RMST: variants seen among roughly 807,000 people sequenced by gnomAD.
RMST encodes the protein long intergenic non-protein coding RNA 54.
chr12:97,493,521 C>T (rs1049107562), intron 7 of RMST, among the ~76,000 whole-genome samples: 58 of 152,022 alleles, frequency 3.8e-4, no homozygotes, highest in African/African-American at 1.3e-3. Context: ...AAAAATAAAC[C>T]ACCAAAAATG....
chr12:97,549,682 G>A (rs139398867), intron 11 of RMST, among the ~76,000 whole-genome samples: 3 of 152,266 alleles, frequency 2.0e-5, no homozygotes, highest in Non-Finnish European at 2.9e-5. Context: ...GAGGCAGCAC[G>A]GTTGTCAAGA....
At chr12:97,480,722 A>G (rs1875178057) in intron 5 of RMST, among the ~76,000 whole-genome samples, 1 of 152,206 alleles carries the variant, frequency 6.6e-6, no homozygotes, top group Admixed American at 6.5e-5. Flanking sequence ...TTCCAGCTAC[A>G]TGCAACAGCT....
chr12:97,474,467 T>C (rs1271264621), intron 5 of RMST, among the ~76,000 whole-genome samples: 1 of 152,092 alleles, frequency 6.6e-6, no homozygotes, highest in Non-Finnish European at 1.5e-5. Context: ...AAAGATGTGG[T>C]TGAGAAATTC....
At chr12:97,556,267 T>C (rs1883698763) in intron 11 of RMST, among the ~76,000 whole-genome samples, 1 of 152,140 alleles carries the variant, frequency 6.6e-6, no homozygotes, top group African/African-American at 2.4e-5. Context: ...GCGGCAAAAA[T>C]ACGTGAATTT....
chr12:97,488,272 G>C (rs183090480), intron 5 of RMST, among the ~76,000 whole-genome samples: 14 of 152,288 alleles, frequency 9.2e-5, no homozygotes, highest in African/African-American at 3.4e-4. Flanking sequence ...CAGCTACTCA[G>C]AAGGCTGAGG....
intron 11 of RMST, among the ~76,000 whole-genome samples, chr12:97,535,592 A>G (rs1882007318): frequency 6.6e-6 from 1 of 151,656 alleles, no homozygotes; most frequent in South Asian, 2.1e-4. Flanking sequence ...ATAGCTAGTC[A>G]GTGGCACAGC....
intron 5 of RMST, among the ~76,000 whole-genome samples, chr12:97,475,044 A>G (rs1354020597): frequency 6.6e-6 from 1 of 152,202 alleles, no homozygotes; most frequent in Non-Finnish European, 1.5e-5. Flanking sequence ...ACAACTTCTT[A>G]GCTTTCATCT....
At chr12:97,472,455 A>C (rs2287081) in intron 5 of RMST, among the ~76,000 whole-genome samples, 34,330 of 151,986 alleles carry the variant, frequency 0.23, 4,229 homozygotes, top group East Asian at 0.48. Flanking sequence ...TGATGTTTTT[A>C]AAGTGCTAGG....
intron 5 of RMST, among the ~76,000 whole-genome samples, chr12:97,481,446 C>T (rs1875265272): frequency 6.6e-6 from 1 of 152,138 alleles, no homozygotes; most frequent in Admixed American, 6.5e-5. Flanking sequence ...CAGTCACATA[C>T]TAAGAACACG....
chr12:97,474,264 T>C (rs1254617498), intron 5 of RMST, among the ~76,000 whole-genome samples: 1 of 152,080 alleles, frequency 6.6e-6, no homozygotes, highest in Non-Finnish European at 1.5e-5. Flanking sequence ...CTCAGTGTCT[T>C]TGGGAAGCAA....
intron 11 of RMST, among the ~76,000 whole-genome samples, chr12:97,536,858 C>T (rs1183469587): frequency 1.3e-5 from 2 of 151,354 alleles, no homozygotes; most frequent in Non-Finnish European, 1.5e-5. Context: ...ATAAATCTCC[C>T]CTTAGCCAGA....
chr12:97,495,265 C>T (rs951685353), intron 9 of RMST, among the ~76,000 whole-genome samples: 2 of 151,778 alleles, frequency 1.3e-5, no homozygotes, highest in Non-Finnish European at 2.9e-5. Context: ...TGTGCACAAA[C>T]CAAAGACAAT....
Position 97,538,954 on chromosome 12 carries a change from G to A in RMST, n.1545+8095G>A, listed in dbSNP as rs190808130. Among the ~76,000 whole-genome samples, 13 of 151,488 alleles carry A rather than the reference G, an allele frequency of 8.6e-5. No individual in the cohort carries two copies. The East Asian group carries it at 1.6e-3, about 18-fold the overall frequency. Reference sequence around the variant, plus strand: ...TACTGTTAACTGGCCCAGGAAAACCGGAGGGGCTGGGAATGGCTTAAATCA... The same window carrying A: ...TACTGTTAACTGGCCCAGGAAAACCAGAGGGGCTGGGAATGGCTTAAATCA... On this transcript the variant is annotated intron_variant and non_coding_transcript_variant, in intron 11 of 13. Transcript: ENST00000640149.
intron 10 of RMST, among the ~76,000 whole-genome samples, chr12:97,505,399 T>A (rs1373607153): frequency 6.6e-6 from 1 of 152,208 alleles, no homozygotes; most frequent in Non-Finnish European, 1.5e-5. Context: ...TATGTTTAGA[T>A]CTCTTGCATG....
chr12:97,491,868 T>G (rs769863038), intron 5 of RMST: 1 of 515,068 alleles, frequency 1.9e-6, no homozygotes, highest in African/African-American at 1.9e-5. Flanking sequence ...ACTGTGTAAT[T>G]AGGTGAAGAA....
intron 5 of RMST, among the ~76,000 whole-genome samples, chr12:97,473,316 C>T (rs965865250): frequency 5.3e-5 from 8 of 152,118 alleles, no homozygotes; most frequent in Admixed American, 2.6e-4. Context: ...GTGATTAATT[C>T]AACTGTCTAA....
chr12:97,470,634 A>G (rs1480931663), intron 5 of RMST, among the ~76,000 whole-genome samples: 1 of 152,076 alleles, frequency 6.6e-6, no homozygotes, highest in Non-Finnish European at 1.5e-5. Flanking sequence ...ACTTTTATCT[A>G]TATTAATACA....
chr12:97,468,709 C>T (rs955459482), intron 5 of RMST, among the ~76,000 whole-genome samples: 13 of 151,710 alleles, frequency 8.6e-5, no homozygotes, highest in African/African-American at 1.2e-4. Flanking sequence ...TATAGTTTAC[C>T]GTAGAGATCC....
chr12:97,487,844 T>A (rs1344372006), intron 5 of RMST, among the ~76,000 whole-genome samples: 1 of 152,248 alleles, frequency 6.6e-6, no homozygotes, highest in African/African-American at 2.4e-5. Flanking sequence ...CGGTTGAGGT[T>A]GCTGACGTCT....
Sources: allele counts gnomAD v4.1 joint callset (sites outside exome capture counted in the v4.1 genomes callset), GRCh38; gene constraint gnomAD v4.1.1; transcripts MANE v1.5; gene names NCBI Gene and HGNC (gene_info 2026-07-23, HGNC 2026-07-21).